The following COBLL1 variants were observed in gnomAD, a reference collection of about 807,000 sequenced individuals.
COBLL1 encodes cordon-bleu protein-like 1.
In COBLL1, 50 loss-of-function variants were observed where a neutral mutation model predicts 94.8. The ratio of observed to expected loss-of-function variants is 0.53; its 90% confidence interval spans 0.42 to 0.67. The LOEUF is 0.67. Ranked by LOEUF, COBLL1 falls within the 30% of genes least tolerant of loss-of-function variation. The pLI is 0.00. For synonymous variants in COBLL1, 448 were observed against 473.8 expected, an observed-to-expected ratio of 0.95 and a Z score of 0.71; for missense variants, 1,362 against 1,348.7, an observed-to-expected ratio of 1.01 and a Z score of -0.15.
At chr2:164,838,088 CATTCAAGAT>C in intron 2 of COBLL1, among the ~76,000 whole-genome samples, 1 of 152,270 alleles carries the variant, frequency 6.6e-6, no homozygotes, top group Non-Finnish European at 1.5e-5. Context: ...AAATGAAAGA[CATTCAAGAT>C]GACCACAGGA....
intron 2 of COBLL1, among the ~76,000 whole-genome samples, chr2:164,804,110 C>CA (rs71393642): frequency 0.41 from 33,529 of 82,104 alleles, 4,844 homozygotes; most frequent in African/African-American, 0.45. Context: ...TAGGCCTTAG[C>CA]AAAAAAAAAA....
intron 13 of COBLL1, chr2:164,687,236 A>C: frequency 1.1e-5 from 4 of 378,996 alleles, no homozygotes; most frequent in Admixed American, 4.3e-5. Flanking sequence ...TTGGAGAGGA[A>C]GTAGAATTTA....
In COBLL1 at chr2:164,802,227, GTAAAA is replaced by G. The variant is rs376469321; in HGVS notation, c.41+38924_41+38928del. Among the ~76,000 whole-genome samples the G allele has an allele frequency of 4.1e-4, 63 of 152,284 alleles. 2 individuals are homozygous for G. The East Asian group carries it at 0.01, about 25-fold the overall frequency. On this transcript the variant is annotated intron_variant, in intron 2 of 13. Transcript: ENST00000652658. ...AATTGTTAAGAAACTGAAACAAAAA[GTAAAA>G]TGTTTCCACTTTGTAAACCTCACAA... is the stretch of plus-strand genomic sequence containing the variant.
intron 2 of COBLL1, among the ~76,000 whole-genome samples, chr2:164,797,019 A>G (rs1277835652): frequency 1.3e-5 from 2 of 152,200 alleles, no homozygotes; most frequent in East Asian, 1.9e-4. Context: ...AGTGTCAATA[A>G]AATTAGCTGA....
chr2:164,668,176 C>A (rs185567046), intron 1 of COBLL1, among the ~76,000 whole-genome samples: 2 of 152,114 alleles, frequency 1.3e-5, no homozygotes, highest in African/African-American at 2.4e-5. Flanking sequence ...GTTGGCCAGG[C>A]TGGTCATGAA....
At chr2:164,707,473 C>T (rs943428379) in intron 7 of COBLL1, among the ~76,000 whole-genome samples, 5 of 152,144 alleles carry the variant, frequency 3.3e-5, no homozygotes, top group African/African-American at 1.2e-4. Context: ...TCCTCCCTGA[C>T]TCCCAACATT....
At chr2:164,699,297 A>G in intron 11 of COBLL1, 108 bp downstream of exon 11, 1 of 749,798 alleles carries the variant, frequency 1.3e-6, no homozygotes, top group Admixed American at 1.8e-5. Flanking sequence ...GGTAGGTATT[A>G]AGTGAGTTAC....
chr2:164,712,534 A>G (rs1476252166), intron 7 of COBLL1, among the ~76,000 whole-genome samples: 2 of 152,114 alleles, frequency 1.3e-5, no homozygotes, highest in Non-Finnish European at 2.9e-5. Flanking sequence ...ACATTAATTT[A>G]TGGTATTTGC....
chr2:164,699,028 C>T (rs965553407), intron 11 of COBLL1, among the ~76,000 whole-genome samples: 12 of 151,862 alleles, frequency 7.9e-5, no homozygotes, highest in African/African-American at 2.7e-4. Context: ...AAAAGAGAAA[C>T]AGATCGCAAA....
At chr2:164,725,402 T>A (rs1357148979) in intron 5 of COBLL1, among the ~76,000 whole-genome samples, 1 of 152,040 alleles carries the variant, frequency 6.6e-6, no homozygotes, top group Non-Finnish European at 1.5e-5. Context: ...ACAATAAATA[T>A]AACCAGAATA....
At position 164,746,689 on chromosome 2, in the gene COBLL1, C is replaced by T. The variant is rs76155657; in HGVS notation, c.42-2814G>A. Among the ~76,000 whole-genome samples, 168 of 151,986 alleles carry T rather than the reference C, an allele frequency of 1.1e-3. 6 individuals are homozygous for T. In the East Asian group the frequency reaches 0.03, roughly 27 times the overall value. On this transcript the variant is annotated intron_variant, in intron 2 of 13. Coordinates refer to ENST00000652658, the MANE Select transcript of COBLL1 (RefSeq NM_001365672.2). ...CCCACAATAAAGTTGAAAAATCATA[C>T]ATCAAACCATCGCAAGCAGGAGACC...
chr2:164,805,363 A>ACATATATATAAATATATAT (rs1553480466), intron 2 of COBLL1, among the ~76,000 whole-genome samples: 1 of 115,872 alleles, frequency 8.6e-6, no homozygotes, highest in African/African-American at 3.4e-5. Context: ...ATATATATAT[A>ACATATATATAAATATATAT]AAACTAAAGT....
intron 7 of COBLL1, among the ~76,000 whole-genome samples, chr2:164,719,319 G>A (rs1315374250): frequency 6.6e-6 from 1 of 152,130 alleles, no homozygotes; most frequent in Non-Finnish European, 1.5e-5. Context: ...AATTCAAATT[G>A]CAACTGGAAG....
At chr2:164,796,726 A>AAAG (rs374535467) in intron 2 of COBLL1, among the ~76,000 whole-genome samples, 1 of 109,462 alleles carries the variant, frequency 9.1e-6, no homozygotes, top group African/African-American at 3.1e-5. Context: ...AAAAAAAAAA[A>AAAG]GGAGAGGGAA....
At chr2:164,660,547 A>G (rs1481140468) in intron 2 of COBLL1, among the ~76,000 whole-genome samples, 1 of 152,168 alleles carries the variant, frequency 6.6e-6, no homozygotes, top group African/African-American at 2.4e-5. Context: ...GCCTCAGCTG[A>G]AAAACAAGCC....
In COBLL1 at chr2:164,694,757, A is replaced by C. The variant is rs746409980; in HGVS notation, c.2635T>G (p.Tyr879Asp). ...LQMQKRVSGH[Y>D]VTSAAAKSVH... is the part of the protein sequence containing the mutation. ...CTCTTGGCAGCTGCAGATGTCACAT[A>C]GTGACCCGATACTCTCTTCTGCATC... is the stretch of plus-strand genomic sequence containing the variant. The change falls in exon 12 of 14, where the codon TAT becomes GAT. Residue 879 changes from tyrosine to aspartate, a missense_variant. By Grantham distance (160) the Tyr-to-Asp change is radical. Transcript: ENST00000652658. The C allele has an allele frequency of 1.2e-6, 2 of 1,613,776 alleles. No homozygotes were observed. The highest frequency in any genetic ancestry group is 4.5e-5 in the East Asian group (2 of 44,870).
At chr2:164,722,630 A>T (rs1365908539) in intron 5 of COBLL1, 108 bp from the exon 6 acceptor site, 19 of 566,744 alleles carry the variant, frequency 3.4e-5, no homozygotes, top group Non-Finnish European at 3.4e-5. Context: ...GCTAAAAGCT[A>T]CTAATTATAG....
intron 13 of COBLL1, among the ~76,000 whole-genome samples, 163 bp downstream of exon 13, chr2:164,692,058 C>G (rs1420859828): frequency 6.6e-6 from 1 of 152,090 alleles, no homozygotes; most frequent in Non-Finnish European, 1.5e-5. Context: ...TTTTCAAGTA[C>G]GTGTAAGACT....
intron 2 of COBLL1, among the ~76,000 whole-genome samples, chr2:164,659,988 A>C (rs1691044149): frequency 6.6e-6 from 1 of 152,202 alleles, no homozygotes; most frequent in Non-Finnish European, 1.5e-5. Context: ...CAGAGTCAAT[A>C]GCTTGCAAAT....
Sources: gnomAD v4.1 joint callset for allele counts (sites outside exome capture counted in the v4.1 genomes callset) on GRCh38, gnomAD v4.1.1 for gene constraint, MANE v1.5 for transcripts, NCBI Gene and HGNC (gene_info 2026-07-23, HGNC 2026-07-21) for gene names.